Variants in SIRT5 observed in about 807,000 individuals in gnomAD.
SIRT5 encodes sirtuin 5, also known as NAD-dependent protein deacylase sirtuin-5, mitochondrial.
SIRT5 carries 26 observed loss-of-function variants against 40.0 expected under a neutral mutation model. The observed-to-expected ratio is 0.65, with a 90% CI of 0.48 to 0.90. The LOEUF (loss-of-function observed/expected upper bound fraction) is 0.90. Ranked by LOEUF, SIRT5 falls within the 40% of genes least tolerant of loss-of-function variation. The probability of loss-of-function intolerance (pLI) is 0.00; values close to 1 mark genes in which losing one functional copy is unlikely to be tolerated. For missense variants in SIRT5, 401 were observed against 402.4 expected, an observed-to-expected ratio of 1.00 and a Z score of 0.03; for synonymous variants, 146 against 149.1, an observed-to-expected ratio of 0.98 and a Z score of 0.15.
rs771260132 is a variant in SIRT5, at chr6:13,591,820, G to A, written c.401G>A (p.Arg134Gln). ...ACCCGGCTGGGCAAGCAGGGCCGGC[G>A]AGTCGTGGTCATCACCCAGAACATC... is the stretch of plus-strand genomic sequence containing the variant. ...CETRLGKQGRRVVVITQNIDE... is the reference protein window; with the variant it reads ...CETRLGKQGRQVVVITQNIDE... The change falls in exon 5 of 10, where the codon CGA becomes CAA. Residue 134 changes from arginine (R) to glutamine (Q), a missense_variant. Physicochemically the swap from Arg to Gln is conservative, Grantham distance 43 (BLOSUM62 1). Coordinates refer to ENST00000606117, the MANE Select transcript of SIRT5 (RefSeq NM_012241.5). 4.3e-6 allele frequency: 7 copies of A among 1,614,044 alleles called. No individual in the cohort carries two copies. Among genetic ancestry groups the A allele is most frequent in the Admixed American group, 1.7e-5 (1 of 60,006 alleles).
At chr6:13,593,496 A>G (rs1329472788) in intron 5 of SIRT5, among the ~76,000 whole-genome samples, 4 of 152,186 alleles carry the variant, frequency 2.6e-5, no homozygotes, top group Admixed American at 2.6e-4. Flanking sequence ...TCATCAGCAT[A>G]AAACCGAGAT....
chr6:13,600,995 C>A, intron 9 of SIRT5, 46 bp downstream of exon 9: 1 of 1,407,866 alleles, frequency 7.1e-7, no homozygotes, highest in Non-Finnish European at 1.0e-6. Context: ...GAGGCAGGTA[C>A]AGACATGGTC....
chr6:13,597,257 G>A (rs1031320474), intron 7 of SIRT5, among the ~76,000 whole-genome samples: 12 of 151,880 alleles, frequency 7.9e-5, no homozygotes, highest in African/African-American at 2.7e-4. Context: ...ATCATTTGAG[G>A]TCGGGAAAGT....
chr6:13,587,378 G>T (rs1373835213), intron 3 of SIRT5, among the ~76,000 whole-genome samples: 1 of 152,136 alleles, frequency 6.6e-6, no homozygotes, highest in Non-Finnish European at 1.5e-5. Context: ...AACAAGCTGT[G>T]TCCCCAGCTG....
chr6:13,581,847 C>T (rs532851555), intron 2 of SIRT5, among the ~76,000 whole-genome samples: 1 of 152,302 alleles, frequency 6.6e-6, no homozygotes, highest in Admixed American at 6.5e-5. Context: ...GGGACCGAAA[C>T]AGGAACATTG....
At position 13,596,910 on chromosome 6, in the gene SIRT5, T is replaced by A. The variant is rs919928524; in HGVS notation, c.564-53T>A. 3 of 1,427,618 alleles carry A rather than the reference T, an allele frequency of 2.1e-6. No homozygotes were observed. In the African/African-American group the frequency reaches 4.3e-5, roughly 21 times the overall value. 88.4% of individuals were successfully genotyped at this position (1,427,618 alleles called of 1,614,324 possible). A position where few individuals can be genotyped will look rare whatever the true frequency, so the allele number is the denominator to read the frequency against. ...TACAAACTGAGTTATGTTGTTTCTTTATTTTTTATTATGCCAATAACAATC... is the reference window on the plus strand; with the variant it reads ...TACAAACTGAGTTATGTTGTTTCTTAATTTTTTATTATGCCAATAACAATC... On this transcript the variant is annotated intron_variant, in intron 6 of 9. Transcript: ENST00000606117.
chr6:13,582,197 T>G (rs1759434951), intron 2 of SIRT5, among the ~76,000 whole-genome samples: 1 of 152,210 alleles, frequency 6.6e-6, no homozygotes, highest in Non-Finnish European at 1.5e-5. Flanking sequence ...TGGAAAATCC[T>G]TGCTCAGCTC....
Position 13,612,238 on chromosome 6 carries a change from A to G in SIRT5, c.*373A>G, listed in dbSNP as rs201485036. On this transcript the variant is annotated 3_prime_UTR_variant, in exon 10 of 10. Transcript: ENST00000606117. ...GAAGTCAAGGGGTAAAAACCCTACTATTCTGATTTTTGCACAAGTTTTAGT... is the reference window on the plus strand; with the variant it reads ...GAAGTCAAGGGGTAAAAACCCTACTGTTCTGATTTTTGCACAAGTTTTAGT... 6.2e-6 allele frequency: 1 copy of G among 162,510 alleles called. No individual in the cohort carries two copies. The highest frequency in any genetic ancestry group is 1.3e-5 in the Non-Finnish European group (1 of 74,732). 10.1% of individuals were successfully genotyped at this position (162,510 alleles called of 1,614,324 possible). A position where few individuals can be genotyped will look rare whatever the true frequency, so the allele number is the denominator to read the frequency against.
chr6:13,611,266 T>C (rs9689394), intron 9 of SIRT5, among the ~76,000 whole-genome samples: 6 of 146,760 alleles, frequency 4.1e-5, no homozygotes, highest in South Asian at 2.1e-4. Context: ...CACATATATA[T>C]ACACACACAT....
intron 9 of SIRT5, among the ~76,000 whole-genome samples, chr6:13,606,554 G>A (rs1763137339): frequency 1.3e-5 from 2 of 152,186 alleles, no homozygotes; most frequent in Admixed American, 1.3e-4. Flanking sequence ...AGTCCATGCA[G>A]TCAGGGCTTA....
intron 5 of SIRT5, among the ~76,000 whole-genome samples, chr6:13,592,566 A>G (rs922113516): frequency 6.7e-6 from 1 of 149,140 alleles, no homozygotes; most frequent in Non-Finnish European, 1.5e-5. Context: ...ATGTCGGTGG[A>G]CCCCACTGAG....
At chr6:13,590,569 TTGTG>T (rs1301715527) in intron 4 of SIRT5, among the ~76,000 whole-genome samples, 2 of 151,816 alleles carry the variant, frequency 1.3e-5, no homozygotes, top group African/African-American at 2.4e-5. Flanking sequence ...GTATGTTTAG[TTGTG>T]TGTGTATTAA....
chr6:13,582,713 A>C (rs1024990503), intron 2 of SIRT5, among the ~76,000 whole-genome samples: 2 of 151,318 alleles, frequency 1.3e-5, no homozygotes, highest in African/African-American at 2.4e-5. Context: ...TTTGTTGGAC[A>C]ATCAGTGTCA....
intron 9 of SIRT5, chr6:13,604,686 T>G: frequency 7.2e-7 from 1 of 1,388,312 alleles, no homozygotes; most frequent in Non-Finnish European, 9.3e-7. Flanking sequence ...TGTCTTCATG[T>G]GAAAGAAACT....
chr6:13,588,209 T>A (rs750397347), intron 3 of SIRT5, 122 bp from the exon 4 acceptor site: 6 of 1,240,576 alleles, frequency 4.8e-6, no homozygotes, highest in Non-Finnish European at 6.7e-6. Flanking sequence ...GGTACAGGAA[T>A]GATGTTTGTT....
intron 9 of SIRT5, among the ~76,000 whole-genome samples, chr6:13,611,006 C>T (rs949496530): frequency 2.0e-5 from 3 of 151,672 alleles, no homozygotes; most frequent in South Asian, 4.2e-4. Flanking sequence ...AACAAAAGTC[C>T]ATGATTTTTC....
At chr6:13,576,734 A>G (rs985481246) in intron 1 of SIRT5, among the ~76,000 whole-genome samples, 1 of 152,122 alleles carries the variant, frequency 6.6e-6, no homozygotes, top group African/African-American at 2.4e-5. Flanking sequence ...TGCCCAGACT[A>G]ATATGGAGTT....
At chr6:13,606,084 A>G (rs752036355) in intron 9 of SIRT5, among the ~76,000 whole-genome samples, 3 of 152,254 alleles carry the variant, frequency 2.0e-5, no homozygotes, top group Admixed American at 6.5e-5. Flanking sequence ...CAGTGAACAT[A>G]AGGTACACAT....
At chr6:13,606,433 A>G (rs1188631512) in intron 9 of SIRT5, among the ~76,000 whole-genome samples, 1 of 152,116 alleles carries the variant, frequency 6.6e-6, no homozygotes, top group Non-Finnish European at 1.5e-5. Context: ...ATAGTTACCT[A>G]TCTAGGGTGT....
Sources: gnomAD v4.1 joint callset for allele counts (sites outside exome capture counted in the v4.1 genomes callset) on GRCh38, gnomAD v4.1.1 for gene constraint, MANE v1.5 for transcripts, NCBI Gene and HGNC (gene_info 2026-07-23, HGNC 2026-07-21) for gene names.